Variants in ARMC10 observed in about 807,000 individuals in gnomAD.
The protein encoded by ARMC10 is armadillo repeat-containing protein 10.
Under a neutral mutation model 30.2 loss-of-function variants are expected in ARMC10, and 23 were observed. The observed-to-expected ratio is 0.76, with a 90% CI of 0.55 to 1.08. ARMC10 has a LOEUF of 1.08. Among genes scored for constraint, ARMC10 ranks in the 50% least tolerant of loss-of-function variants. The pLI, the probability that ARMC10 is intolerant of heterozygous loss-of-function variation, is 0.00. For missense variants in ARMC10, 303 were observed against 413.7 expected (o/e 0.73, Z 2.32); for synonymous variants, 111 against 164.4 (o/e 0.68, Z 2.48).
At chr7:103,091,649 C>A (rs188675404) in intron 4 of ARMC10, among the ~76,000 whole-genome samples, 1 of 151,502 alleles carries the variant, frequency 6.6e-6, no homozygotes, top group Non-Finnish European at 1.5e-5. Flanking sequence ...GCTCTCTAGA[C>A]CCTACTGCTA....
chr7:103,086,523 C>A, intron 3 of ARMC10, 107 bp from the exon 4 acceptor site: 1 of 1,256,134 alleles, frequency 8.0e-7, no homozygotes, highest in Non-Finnish European at 1.1e-6. Context: ...AAGAGATTTC[C>A]AAAAAGCCGT....
chr7:103,082,518 T>C (rs1800476197), intron 2 of ARMC10, among the ~76,000 whole-genome samples: 1 of 151,652 alleles, frequency 6.6e-6, no homozygotes, highest in Non-Finnish European at 1.5e-5. Flanking sequence ...TTTTTTTTAA[T>C]AGAGACAGGG....
chr7:103,098,730 GAATATA>G lies in ARMC10; in HGVS notation c.*179_*184del, dbSNP rs1801992830. The stretch of plus-strand genomic sequence containing the variant: ...ATTTTGGACTATTTTGATGCCAAGT[GAATATA>G]AGAGCTTGTACTGAAACCATTTATT... On this transcript the variant is annotated 3_prime_UTR_variant, in exon 7 of 7. Coordinates refer to ENST00000323716, the MANE Select transcript of ARMC10 (RefSeq NM_031905.5). 1 of 952,446 alleles carries G rather than the reference GAATATA, an allele frequency of 1.0e-6. No homozygotes were observed. Among genetic ancestry groups the G allele is most frequent in the African/African-American group, 1.6e-5 (1 of 61,486 alleles). 59.0% of individuals were successfully genotyped at this position (952,446 alleles called of 1,614,324 possible).
chr7:103,098,280 T>G lies in ARMC10; in HGVS notation c.778-19T>G. On this transcript the variant is annotated intron_variant, in intron 6 of 6. Transcript: ENST00000323716. Reference sequence around the variant, plus strand: ...ATATATTATTAATATAAAATAATACTCATTGTTTCATATTTCAGGTGGATT... The same window carrying G: ...ATATATTATTAATATAAAATAATACGCATTGTTTCATATTTCAGGTGGATT... 1 of 1,425,010 alleles carries G rather than the reference T, an allele frequency of 7.0e-7. No homozygotes were observed. Among genetic ancestry groups the G allele is most frequent in the South Asian group, 1.7e-5 (1 of 59,500 alleles). The allele number at this position is 1,425,010 out of a possible 1,614,324, so 88.3% of individuals were successfully genotyped here. A position where few individuals can be genotyped will look rare whatever the true frequency, so the allele number is the denominator to read the frequency against.
chr7:103,092,330 C>CAA (rs772073727), intron 4 of ARMC10, 147 bp from the exon 5 acceptor site: 36,656 of 230,250 alleles, frequency 0.16, 1,381 homozygotes, highest in Middle Eastern at 0.18. Flanking sequence ...GACTCCGTCT[C>CAA]AAAAAAAAAA....
chr7:103,088,088 ACAAT>A (rs907487777), intron 4 of ARMC10, among the ~76,000 whole-genome samples: 2 of 152,224 alleles, frequency 1.3e-5, no homozygotes, highest in African/African-American at 2.4e-5. Flanking sequence ...GGGGTCATTG[ACAAT>A]CAATTAGAAT....
At chr7:103,077,124 T>G (rs1472477805) in intron 2 of ARMC10, among the ~76,000 whole-genome samples, 1 of 152,154 alleles carries the variant, frequency 6.6e-6, no homozygotes, top group African/African-American at 2.4e-5. Flanking sequence ...GAACTTGGCT[T>G]AAGCAGTGCT....
intron 3 of ARMC10, among the ~76,000 whole-genome samples, chr7:103,085,703 C>A (rs1329575110): frequency 6.6e-6 from 1 of 151,682 alleles, no homozygotes; most frequent in African/African-American, 2.4e-5. Context: ...CTGTAACCTC[C>A]TCCCAGGTTC....
chr7:103,090,180 T>A (rs1031881690), intron 4 of ARMC10, among the ~76,000 whole-genome samples: 1 of 152,236 alleles, frequency 6.6e-6, no homozygotes, highest in East Asian at 1.9e-4. Flanking sequence ...ATCTTGTTAT[T>A]ATAATTGAAA....
chr7:103,081,998 C>G (rs1182552551), intron 2 of ARMC10: 2 of 438,848 alleles, frequency 4.6e-6, no homozygotes, highest in African/African-American at 2.0e-5. Flanking sequence ...CTTGAACAAT[C>G]CTGGCTTCAG....
At position 103,083,814 on chromosome 7, in the gene ARMC10, C is replaced by T. The variant is rs752412153; in HGVS notation, c.377C>T (p.Ala126Val). The T allele has an allele frequency of 6.2e-7, 1 of 1,613,830 alleles. No individual in the cohort carries two copies. The highest frequency in any genetic ancestry group is 8.5e-7 in the Non-Finnish European group (1 of 1,179,898). Residue 126 changes from alanine (A) to valine (V), a missense_variant, in exon 3 of 7, where the codon GCC (alanine) becomes GTC (valine). Around this residue, in one of 4 missense-constraint regions of ARMC10, gnomAD observed 170 missense variants for 207.2 expected, o/e 0.82. Transcript: ENST00000323716. ...RALITLGNNA[A>V]FSVNQAIIRE... Reference sequence around the variant, plus strand: ...TTGATTACTTTGGGTAACAATGCAGCCTTTTCAGTTAACCAAGTAAGTACC... The same window carrying T: ...TTGATTACTTTGGGTAACAATGCAGTCTTTTCAGTTAACCAAGTAAGTACC...
intron 5 of ARMC10, chr7:103,097,059 A>G (rs1426665291): frequency 1.0e-5 from 6 of 573,756 alleles, no homozygotes; most frequent in Non-Finnish European, 1.9e-5. Context: ...CTGTTCTATG[A>G]TAGGTTCTCT....
At chr7:103,079,357 A>T (rs565501916) in intron 2 of ARMC10, among the ~76,000 whole-genome samples, 2 of 152,318 alleles carry the variant, frequency 1.3e-5, no homozygotes, top group African/African-American at 4.8e-5. Context: ...AAATTTTATC[A>T]TTTCTGATAA....
chr7:103,098,259 AT>A (rs1563333933), intron 6 of ARMC10, 39 bp from the exon 7 acceptor site: 1 of 1,271,980 alleles, frequency 7.9e-7, no homozygotes, highest in African/African-American at 1.5e-5. Context: ...GTTTTCATAT[AT>A]TATTAATATA....
In ARMC10 at chr7:103,086,728, C is replaced by T. The variant is rs867678070; in HGVS notation, c.492C>T (p.Asn164=). ...IKEKALNALN[N]LSVNVENQIK... ...AGAAAGCTTTAAATGCACTAAATAA[C>T]CTGAGTGTGAATGTTGAAAATCAAA... The change falls in exon 4 of 7, where the codon AAC becomes AAT. Residue 164 remains asparagine (N), a synonymous_variant. Coordinates refer to ENST00000323716, the MANE Select transcript of ARMC10 (RefSeq NM_031905.5). 6.3e-7 allele frequency: 1 copy of T among 1,593,958 alleles called. No homozygotes were observed. Among genetic ancestry groups the T allele is most frequent in the African/African-American group, 1.4e-5 (1 of 73,152 alleles).
chr7:103,085,838 C>A (rs1024632668), intron 3 of ARMC10, among the ~76,000 whole-genome samples: 2 of 152,062 alleles, frequency 1.3e-5, no homozygotes, highest in African/African-American at 4.8e-5. Context: ...TGGTCTCTAC[C>A]TCCTCACCTC....
At chr7:103,084,917 G>A (rs1226710018) in intron 3 of ARMC10, among the ~76,000 whole-genome samples, 2 of 152,190 alleles carry the variant, frequency 1.3e-5, no homozygotes, top group African/African-American at 2.4e-5. Flanking sequence ...CATGGCCCAT[G>A]TTTATTGAGG....
intron 2 of ARMC10, among the ~76,000 whole-genome samples, chr7:103,077,692 A>G (rs1800013770): frequency 6.6e-6 from 1 of 152,238 alleles, no homozygotes; most frequent in Admixed American, 6.5e-5. Flanking sequence ...CATTCAAATC[A>G]TAGCATTTAC....
chr7:103,075,159 A>T lies in ARMC10; in HGVS notation c.-114A>T. The T allele has an allele frequency of 1.4e-6, 1 of 718,684 alleles. No homozygotes were observed. The highest frequency in any genetic ancestry group is 1.8e-6 in the Non-Finnish European group (1 of 559,776). The allele number at this position is 718,684 out of a possible 1,614,324, so 44.5% of individuals were successfully genotyped here. A position where few individuals can be genotyped will look rare whatever the true frequency, so the allele number is the denominator to read the frequency against. On this transcript the variant is annotated 5_prime_UTR_variant, in exon 1 of 7. Coordinates refer to ENST00000323716, the MANE Select transcript of ARMC10 (RefSeq NM_031905.5). Reference sequence around the variant, plus strand: ...GACCCCATTTCCTTTCTCCACATCCAGGTCAGGTGGCGTTTGCTGTGGCGG... The same window carrying T: ...GACCCCATTTCCTTTCTCCACATCCTGGTCAGGTGGCGTTTGCTGTGGCGG...
Sources: gnomAD v4.1 joint callset for allele counts (sites outside exome capture counted in the v4.1 genomes callset) on GRCh38, gnomAD v4.1.1 for gene constraint, gnomAD v4.1.1 regional missense constraint, MANE v1.5 for transcripts, NCBI Gene and HGNC (gene_info 2026-07-23, HGNC 2026-07-21) for gene names.